Variants in BRWD1 observed in about 807,000 individuals in gnomAD.
BRWD1 encodes the protein bromodomain and WD repeat domain containing 1, also known as bromodomain and WD repeat-containing protein 1.
A neutral mutation model predicts 251.2 loss-of-function variants in BRWD1; 82 were observed. The ratio of observed to expected loss-of-function variants is 0.33; its 90% CI spans 0.27 to 0.39. The LOEUF (loss-of-function observed/expected upper bound fraction) is 0.39, where lower values mean the gene tolerates loss of function less well. BRWD1 is among the 10% of genes least tolerant of loss of function. The pLI is 1.00. For missense variants in BRWD1, 2,233 were observed against 2,711.6 expected (o/e 0.82, Z 3.92); for synonymous variants, 918 against 902.8 (o/e 1.02, Z -0.30).
Position 39,189,815 on chromosome 21 carries a change from T to C in BRWD1, c.*6444A>G. On this transcript the variant is annotated 3_prime_UTR_variant, in exon 41 of 41. Transcript: ENST00000342449. ...GATATTTCAGGGTTAGAAGTCAAAT[T>C]TGTGTGTTAGGGTACAAGCTTAAGA... 7.1e-6 allele frequency: 7 copies of C among 985,324 alleles called. No individual in the cohort carries two copies. Among genetic ancestry groups the C allele is most frequent in the Non-Finnish European group, 8.4e-6 (7 of 829,888 alleles). 61.0% of individuals were successfully genotyped at this position (985,324 alleles called of 1,614,324 possible).
chr21:39,297,484 A>G, intron 5 of BRWD1: 1 of 829,142 alleles, frequency 1.2e-6, no homozygotes, highest in Non-Finnish European at 1.5e-6. Flanking sequence ...CAAGTAAAGA[A>G]AACAAAGGAA....
Position 39,210,012 on chromosome 21 carries a change from G to C in BRWD1, c.4180C>G (p.Pro1394Ala). 6.2e-7 allele frequency: 1 copy of C among 1,613,090 alleles called. No homozygotes were observed. Reference protein sequence around the residue: ...LIFSNAKAYTPNKRSKIYSMT... With the variant: ...LIFSNAKAYTANKRSKIYSMT... Reference sequence around the variant, plus strand: ...AAAATTACCTTTGATCTTTTGTTTGGTGTATACGCTTTTGCATTGCTAAAT... The same window carrying C: ...AAAATTACCTTTGATCTTTTGTTTGCTGTATACGCTTTTGCATTGCTAAAT... The change falls in exon 36 of 41, where the codon CCA (proline) becomes GCA (alanine). Residue 1394 changes from proline to alanine, a missense_variant. Around this residue, in one of 12 missense-constraint regions of BRWD1, gnomAD observed 69 missense variants for 101.6 expected, o/e 0.68. Transcript: ENST00000342449.
chr21:39,247,871 T>G, intron 20 of BRWD1, 39 bp from the exon 21 acceptor site: 2 of 1,555,326 alleles, frequency 1.3e-6, no homozygotes, highest in Non-Finnish European at 1.7e-6. Context: ...AATCAACACC[T>G]AAATAAGGAC....
rs775521081 is a variant in BRWD1 at position 39,250,815 on chromosome 21, G to A, written c.2330C>T (p.Thr777Ile). The A allele has an allele frequency of 5.0e-6, 8 of 1,594,068 alleles. No individual in the cohort carries two copies. Among genetic ancestry groups the A allele is most frequent in the Non-Finnish European group, 6.0e-6 (7 of 1,170,622 alleles). ...GGTTACCTTATGTGAGAGCTGAAGA[G>A]TCTTTCTTTTTCTTCCTATTATATA... Reference protein sequence around the residue: ...NLYIIGRKRKTLQLSHKSDSV... With the variant: ...NLYIIGRKRKILQLSHKSDSV... Residue 777 changes from threonine (T) to isoleucine (I), a missense_variant, in exon 20 of 41, where the codon ACT becomes ATT. Coordinates refer to ENST00000342449, the MANE Select transcript of BRWD1 (RefSeq NM_033656.4).
intron 17 of BRWD1, among the ~76,000 whole-genome samples, chr21:39,263,931 A>T (rs766671157): frequency 6.6e-5 from 10 of 152,228 alleles, no homozygotes; most frequent in Non-Finnish European, 1.5e-4. Context: ...TCTGTCAAAA[A>T]TGCATAACCG....
intron 4 of BRWD1, among the ~76,000 whole-genome samples, chr21:39,301,471 C>A (rs944291974): frequency 3.7e-5 from 5 of 135,142 alleles, no homozygotes; most frequent in African/African-American, 1.4e-4. Flanking sequence ...CAGGTAGAAA[C>A]TGAGGCCCTC....
chr21:39,260,689 G>A (rs1373542527), intron 17 of BRWD1, among the ~76,000 whole-genome samples: 1 of 152,172 alleles, frequency 6.6e-6, no homozygotes, highest in Non-Finnish European at 1.5e-5. Flanking sequence ...GAGAGAAGGG[G>A]AACAATGGAG....
intron 5 of BRWD1, chr21:39,297,673 G>T: frequency 4.0e-6 from 1 of 247,420 alleles, no homozygotes; most frequent in Non-Finnish European, 6.4e-6. Context: ...CTAAGAGGGA[G>T]GGGTGTTCTT....
rs116955826 is a variant in BRWD1, at chr21:39,309,011, T to C, written c.198+3830A>G. Among the ~76,000 whole-genome samples, 198 of 152,082 alleles carry C rather than the reference T, an allele frequency of 1.3e-3. 1 individual carries two copies. In the East Asian group the frequency reaches 0.034, roughly 26 times the overall value. ...CCACATGGTGAACAGCCGTCTCTAC[T>C]AAAACTACGAAAATTAGCTGGGCAT... On this transcript the variant is annotated intron_variant, in intron 4 of 40. Transcript: ENST00000342449.
intron 9 of BRWD1, 92 bp from the exon 10 acceptor site, chr21:39,278,905 T>C: frequency 1.0e-6 from 1 of 1,003,388 alleles, no homozygotes; most frequent in Non-Finnish European, 1.4e-6. Context: ...TATTTAAATA[T>C]TATAATTTTT....
intron 27 of BRWD1, 46 bp from the exon 28 acceptor site, chr21:39,225,243 C>A (rs769630063): frequency 6.7e-6 from 9 of 1,346,470 alleles, no homozygotes; most frequent in Non-Finnish European, 8.5e-6. Flanking sequence ...TGCTAACATT[C>A]ATTAACATTT....
intron 13 of BRWD1, 29 bp downstream of exon 13, chr21:39,274,345 T>C: frequency 6.6e-7 from 1 of 1,517,170 alleles, no homozygotes; most frequent in Non-Finnish European, 9.2e-7. Context: ...ACACCTATGA[T>C]GCACCTACTT....
Position 39,269,813 on chromosome 21 carries a change from C to A in BRWD1, c.1530+86G>T, listed in dbSNP as rs941841348. On this transcript the variant is annotated intron_variant, in intron 15 of 40. Transcript: ENST00000342449. ...TGTAAAAACAAACTGCCAAAACAAG[C>A]AGATCAATTTCTGGCTAAGCCGCAT... is the stretch of plus-strand genomic sequence containing the variant. The A allele has an allele frequency of 1.1e-4, 127 of 1,186,112 alleles. No homozygotes were observed. In the African/African-American group the frequency reaches 1.8e-3, roughly 17 times the overall value. The allele number at this position is 1,186,112 out of a possible 1,614,324, so 73.5% of individuals were successfully genotyped here.
At chr21:39,262,483 G>A (rs572822475) in intron 17 of BRWD1, among the ~76,000 whole-genome samples, 13 of 152,294 alleles carry the variant, frequency 8.5e-5, no homozygotes, top group Non-Finnish European at 1.6e-4. Flanking sequence ...TTGGGAGGCC[G>A]AGGCAGGCGG....
chr21:39,207,469 C>CACACACACAT (rs1252961860), intron 36 of BRWD1, among the ~76,000 whole-genome samples: 1 of 150,620 alleles, frequency 6.6e-6, no homozygotes, highest in Non-Finnish European at 1.5e-5. Flanking sequence ...CACACACACA[C>CACACACACAT]ACACACACAC....
Position 39,187,320 on chromosome 21 carries a change from TG to T in BRWD1, c.*8938del, listed in dbSNP as rs2146430304. On this transcript the variant is annotated 3_prime_UTR_variant, in exon 41 of 41. Coordinates refer to ENST00000342449, the MANE Select transcript of BRWD1 (RefSeq NM_033656.4). ...GGGGAACTTTCTCAGGTACCATTTT[TG>T]CTTTCAGAGTTTCACTAGGCATCTG... is the stretch of plus-strand genomic sequence containing the variant. 1 of 1,614,068 alleles carries T rather than the reference TG, an allele frequency of 6.2e-7. No homozygotes were observed. The highest frequency in any genetic ancestry group is 1.1e-5 in the South Asian group (1 of 91,086).
chr21:39,276,263 T>C (rs551505848), intron 11 of BRWD1, 50 bp from the exon 12 acceptor site: 2 of 1,512,862 alleles, frequency 1.3e-6, no homozygotes, highest in Admixed American at 2.1e-5. Context: ...ACATGGTCTG[T>C]GAATTTGAAA....
At chr21:39,226,210 T>C (rs1379763570) in intron 27 of BRWD1, among the ~76,000 whole-genome samples, 1 of 152,190 alleles carries the variant, frequency 6.6e-6, no homozygotes, top group Non-Finnish European at 1.5e-5. Context: ...GTCTTTTCTA[T>C]GTTTTTGCTA....
chr21:39,312,953 C>CG (rs1309518268), intron 3 of BRWD1, 53 bp from the exon 4 acceptor site: 3 of 245,526 alleles, frequency 1.2e-5, no homozygotes, highest in South Asian at 1.2e-4. Context: ...GCGGGGGGGG[C>CG]GGGGGGCGGG....
Sources: allele counts gnomAD v4.1 joint callset (sites outside exome capture counted in the v4.1 genomes callset), GRCh38; gene constraint gnomAD v4.1.1; regional missense constraint gnomAD v4.1.1; transcripts MANE v1.5; gene names NCBI Gene and HGNC (gene_info 2026-07-23, HGNC 2026-07-21).